The following SIPA1L2 variants were observed in gnomAD, a reference collection of about 807,000 sequenced individuals.
SIPA1L2 encodes the protein signal induced proliferation associated 1 like 2, also known as signal-induced proliferation-associated 1-like protein 2.
In SIPA1L2, 56 loss-of-function variants were observed where a neutral mutation model predicts 163.9. That is an observed-to-expected ratio of 0.34 (90% CI 0.28 to 0.43). The LOEUF (loss-of-function observed/expected upper bound fraction) is 0.43, where lower values mean the gene tolerates loss of function less well. SIPA1L2 is among the 20% of genes least tolerant of loss of function. The pLI is 1.00. For synonymous variants in SIPA1L2, 877 were observed against 865.7 expected (o/e 1.01, Z -0.23); for missense variants, 1,974 against 2,193.5 (o/e 0.90, Z 2.00).
chr1:232,525,916 A>G (rs1667685538), intron 2 of SIPA1L2, among the ~76,000 whole-genome samples: 1 of 152,216 alleles, frequency 6.6e-6, no homozygotes, highest in African/African-American at 2.4e-5. Flanking sequence ...TCCCGTGCAT[A>G]TGTCCAGTCC....
At chr1:232,621,307 G>C (rs1662795704) in intron 1 of SIPA1L2, among the ~76,000 whole-genome samples, 1 of 152,150 alleles carries the variant, frequency 6.6e-6, no homozygotes, top group Non-Finnish European at 1.5e-5. Flanking sequence ...CCCCCTTTCA[G>C]TGATAGTGAG....
At chr1:232,500,922 G>T (rs371753827) in intron 3 of SIPA1L2, among the ~76,000 whole-genome samples, 9 of 152,004 alleles carry the variant, frequency 5.9e-5, no homozygotes, top group African/African-American at 1.2e-4. Flanking sequence ...TGTCACAGCC[G>T]CCCTAACCTT....
intron 1 of SIPA1L2, among the ~76,000 whole-genome samples, chr1:232,576,888 A>G (rs749513816): frequency 6.6e-6 from 1 of 152,084 alleles, no homozygotes; most frequent in Non-Finnish European, 1.5e-5. Flanking sequence ...ATACTCTTCA[A>G]TTCAATGAAG....
At chr1:232,626,256 G>A (rs1573195330) in intron 1 of SIPA1L2, among the ~76,000 whole-genome samples, 1 of 131,360 alleles carries the variant, frequency 7.6e-6, no homozygotes, top group African/African-American at 3.0e-5. Context: ...TCATTTTACA[G>A]GTAGACGAAA....
chr1:232,441,619 CT>C, intron 13 of SIPA1L2, 148 bp downstream of exon 13: 1 of 755,958 alleles, frequency 1.3e-6, no homozygotes, highest in East Asian at 2.7e-5. Context: ...ACCACACCCC[CT>C]CCTGCATCTG....
chr1:232,503,503 G>C (rs900204440), intron 3 of SIPA1L2, among the ~76,000 whole-genome samples: 5 of 152,178 alleles, frequency 3.3e-5, no homozygotes, highest in African/African-American at 1.2e-4. Context: ...GTACGTAAAA[G>C]ACATTCACTC....
intron 8 of SIPA1L2, among the ~76,000 whole-genome samples, chr1:232,467,680 GAGTACAGATT>G (rs1469332622): frequency 2.6e-5 from 4 of 152,228 alleles, no homozygotes; most frequent in African/African-American, 9.6e-5. Flanking sequence ...TTTCAACAGT[GAGTACAGATT>G]TCTAGCAGTA....
intron 3 of SIPA1L2, among the ~76,000 whole-genome samples, chr1:232,512,204 T>C (rs1667011422): frequency 6.6e-6 from 1 of 152,172 alleles, no homozygotes; most frequent in Non-Finnish European, 1.5e-5. Context: ...ATGGCGATCA[T>C]TAAAGTCAGG....
chr1:232,566,584 G>A (rs1659418464), intron 2 of SIPA1L2, among the ~76,000 whole-genome samples: 1 of 152,208 alleles, frequency 6.6e-6, no homozygotes, highest in African/African-American at 2.4e-5. Flanking sequence ...TAGAAGGCTT[G>A]TACAAAGCAT....
At chr1:232,487,484 T>G (rs1045433321) in intron 5 of SIPA1L2, among the ~76,000 whole-genome samples, 1 of 152,144 alleles carries the variant, frequency 6.6e-6, no homozygotes, top group Non-Finnish European at 1.5e-5. Flanking sequence ...CAGTTGGCCT[T>G]AAGAACCAAT....
At chr1:232,534,510 C>T (rs958703236) in intron 2 of SIPA1L2, among the ~76,000 whole-genome samples, 1 of 152,224 alleles carries the variant, frequency 6.6e-6, no homozygotes, top group Non-Finnish European at 1.5e-5. Context: ...ACTAAAAGTA[C>T]AGGCAACAAC....
At chr1:232,625,549 G>T (rs1050711854) in intron 1 of SIPA1L2, among the ~76,000 whole-genome samples, 1 of 152,130 alleles carries the variant, frequency 6.6e-6, no homozygotes, top group Non-Finnish European at 1.5e-5. Context: ...AAGGAAACTC[G>T]TTGAGTCTGG....
At chr1:232,560,731 CA>C (rs1158353651) in intron 2 of SIPA1L2, among the ~76,000 whole-genome samples, 2 of 152,142 alleles carry the variant, frequency 1.3e-5, no homozygotes, top group Non-Finnish European at 2.9e-5. Context: ...TAACATGAAC[CA>C]GAAATCAAAG....
chr1:232,499,018 C>T (rs936924155), intron 3 of SIPA1L2, among the ~76,000 whole-genome samples: 10 of 152,166 alleles, frequency 6.6e-5, no homozygotes, highest in African/African-American at 2.4e-4. Context: ...ACTGGGGATA[C>T]AAACATAGCC....
chr1:232,432,457 G>A lies in SIPA1L2; in HGVS notation c.4046C>T (p.Ser1349Leu), dbSNP rs1201915067. The change falls in exon 16 of 23, where the codon TCA becomes TTA. Residue 1349 changes from serine (S) to leucine (L), a missense_variant. Physicochemically the swap from Ser to Leu is moderately radical, Grantham distance 145. Around this residue, in one of 3 missense-constraint regions of SIPA1L2, gnomAD observed 1,079 missense variants for 1,150.7 expected, o/e 0.94. Coordinates refer to ENST00000674635, the MANE Select transcript of SIPA1L2 (RefSeq NM_020808.5). ...TGAACAGTGAGCTGAAGGGCTTCCTGAATGGTGAGAACCACTGAGGAGAAA... is the reference window on the plus strand; with the variant it reads ...TGAACAGTGAGCTGAAGGGCTTCCTAAATGGTGAGAACCACTGAGGAGAAA... Reference protein sequence around the residue: ...ISSHSSGSHHSGSPSAHCSKS... With the variant: ...ISSHSSGSHHLGSPSAHCSKS... The A allele has an allele frequency of 6.2e-7, 1 of 1,614,012 alleles. No individual in the cohort carries two copies. Among genetic ancestry groups the A allele is most frequent in the Non-Finnish European group, 8.5e-7 (1 of 1,179,956 alleles).
intron 1 of SIPA1L2, among the ~76,000 whole-genome samples, chr1:232,588,195 A>T (rs1660771871): frequency 6.6e-6 from 1 of 152,156 alleles, no homozygotes; most frequent in Non-Finnish European, 1.5e-5. Context: ...TGTGGGGTGG[A>T]CCTATGAGGT....
At chr1:232,436,231 G>A (rs1010831743) in intron 15 of SIPA1L2, among the ~76,000 whole-genome samples, 19 of 152,122 alleles carry the variant, frequency 1.2e-4, no homozygotes, top group African/African-American at 3.9e-4. Context: ...GCACAGAAGC[G>A]TACTAAGTGT....
At chr1:232,417,822 A>G (rs1481709246) in intron 18 of SIPA1L2, among the ~76,000 whole-genome samples, 3 of 152,204 alleles carry the variant, frequency 2.0e-5, no homozygotes, top group African/African-American at 7.2e-5. Context: ...TACTTTTGTC[A>G]CTGATTTCCA....
chr1:232,584,004 C>T (rs1432238450), intron 1 of SIPA1L2, among the ~76,000 whole-genome samples: 3 of 152,164 alleles, frequency 2.0e-5, no homozygotes, highest in Admixed American at 6.5e-5. Context: ...AAAACCTAAA[C>T]GTATTAACTC....
Sources: allele counts gnomAD v4.1 joint callset (sites outside exome capture counted in the v4.1 genomes callset), GRCh38; gene constraint gnomAD v4.1.1; regional missense constraint gnomAD v4.1.1; transcripts MANE v1.5; gene names NCBI Gene and HGNC (gene_info 2026-07-23, HGNC 2026-07-21).